The following RPS6KC1 variants were observed in gnomAD, a reference collection of about 807,000 sequenced individuals.
The protein encoded by RPS6KC1 is ribosomal protein S6 kinase C1.
RPS6KC1 carries 54 observed loss-of-function variants against 103.8 expected under a neutral mutation model. The ratio of observed to expected loss-of-function variants is 0.52; its 90% CI spans 0.42 to 0.65. RPS6KC1 has a LOEUF of 0.65. Ranked by LOEUF, RPS6KC1 falls within the 30% of genes least tolerant of loss-of-function variation. RPS6KC1 has a pLI of 0.00. For missense variants in RPS6KC1, 1,151 were observed against 1,253.8 expected, an observed-to-expected ratio of 0.92 and a Z score of 1.24; for synonymous variants, 439 against 438.7, an observed-to-expected ratio of 1.00 and a Z score of -0.01.
At chr1:213,521,967 T>A in the RPS6KC1 span, among the ~76,000 whole-genome samples, 1 of 152,238 alleles carries the variant, frequency 6.6e-6, no homozygotes, top group South Asian at 2.1e-4. Flanking sequence ...CCTCCTCCTG[T>A]GAATCACAAA....
chr1:213,264,951 G>A (rs1158899208), intron 14 of RPS6KC1, among the ~76,000 whole-genome samples: 21 of 152,130 alleles, frequency 1.4e-4, no homozygotes, highest in Admixed American at 1.3e-3. Flanking sequence ...CATTTTAAAT[G>A]CAATCTTAAA....
the RPS6KC1 span, among the ~76,000 whole-genome samples, chr1:213,755,359 G>A: frequency 3.8e-3 from 582 of 152,344 alleles, no homozygotes; most frequent in Non-Finnish European, 6.5e-3. Flanking sequence ...AGAGTCCAAT[G>A]GAGAAGGAAG....
chr1:213,090,218 T>G (rs2080836685), intron 3 of RPS6KC1, among the ~76,000 whole-genome samples: 1 of 152,226 alleles, frequency 6.6e-6, no homozygotes, highest in South Asian at 2.1e-4. Flanking sequence ...CTGAGGAGTT[T>G]TAAGAATCAT....
the RPS6KC1 span, among the ~76,000 whole-genome samples, chr1:213,585,444 A>G: frequency 1.3e-5 from 2 of 152,130 alleles, no homozygotes; most frequent in African/African-American, 4.8e-5. Context: ...CATATCCCAC[A>G]AGTCCTCAGC....
chr1:213,215,396 G>A (rs374630884), intron 8 of RPS6KC1, among the ~76,000 whole-genome samples: 2 of 152,224 alleles, frequency 1.3e-5, no homozygotes, highest in Non-Finnish European at 2.9e-5. Context: ...CCAAATGTAC[G>A]TCTGATTGGT....
At chr1:213,280,629 T>G in the RPS6KC1 span, among the ~76,000 whole-genome samples, 5 of 152,158 alleles carry the variant, frequency 3.3e-5, no homozygotes, top group African/African-American at 1.2e-4. Flanking sequence ...AAAAATGGAC[T>G]TCATAGTAGT....
At chr1:213,078,231 C>CTTTTTTTTTTTTTTTTTTTT in intron 3 of RPS6KC1, among the ~76,000 whole-genome samples, 1 of 128,354 alleles carries the variant, frequency 7.8e-6, no homozygotes, top group Non-Finnish European at 1.6e-5. Context: ...CCTTAGTATT[C>CTTTTTTTTTTTTTTTTTTTT]TTTTTTTTTT....
At chr1:213,197,538 ATG>A (rs2092998015) in intron 8 of RPS6KC1, among the ~76,000 whole-genome samples, 1 of 151,420 alleles carries the variant, frequency 6.6e-6, no homozygotes, top group Non-Finnish European at 1.5e-5. Flanking sequence ...GTATGTATGT[ATG>A]TATGTATGTA....
the RPS6KC1 span, among the ~76,000 whole-genome samples, chr1:213,285,434 G>C: frequency 6.6e-6 from 1 of 152,160 alleles, no homozygotes; most frequent in African/African-American, 2.4e-5. Context: ...AAACCTAGTA[G>C]AGAATGTATT....
the RPS6KC1 span, among the ~76,000 whole-genome samples, chr1:213,284,866 C>G: frequency 6.6e-6 from 1 of 152,154 alleles, no homozygotes; most frequent in African/African-American, 2.4e-5. Flanking sequence ...GAAAACATTT[C>G]TAGTTACACT....
At chr1:213,792,082 A>G in the RPS6KC1 span, among the ~76,000 whole-genome samples, 5 of 152,180 alleles carry the variant, frequency 3.3e-5, no homozygotes, top group African/African-American at 7.2e-5. Flanking sequence ...CAATTCCCCA[A>G]TACTGTGCCC....
At chr1:213,757,790 G>A in the RPS6KC1 span, among the ~76,000 whole-genome samples, 4 of 152,116 alleles carry the variant, frequency 2.6e-5, no homozygotes, top group African/African-American at 7.2e-5. Context: ...TTCAAAGGAC[G>A]GGCTGACTCT....
chr1:213,287,423 A>G, the RPS6KC1 span, among the ~76,000 whole-genome samples: 1 of 152,156 alleles, frequency 6.6e-6, no homozygotes, highest in African/African-American at 2.4e-5. Context: ...ATTTACTGCT[A>G]TTGGCCAGTA....
the RPS6KC1 span, among the ~76,000 whole-genome samples, chr1:213,807,032 C>T: frequency 1.3e-5 from 2 of 152,084 alleles, no homozygotes; most frequent in Non-Finnish European, 2.9e-5. Context: ...TTCTCCTTCA[C>T]TTATGAAGCT....
At chr1:213,461,106 AT>A in the RPS6KC1 span, among the ~76,000 whole-genome samples, 8 of 152,228 alleles carry the variant, frequency 5.3e-5, no homozygotes, top group Non-Finnish European at 1.2e-4. Context: ...TACAAAATCA[AT>A]GTGTAAAAAT....
chr1:213,395,076 C>T, the RPS6KC1 span, among the ~76,000 whole-genome samples: 1 of 152,202 alleles, frequency 6.6e-6, no homozygotes, highest in African/African-American at 2.4e-5. Flanking sequence ...CCTGCTCTTG[C>T]CCTGGCTGCC....
chr1:213,339,110 A>G, the RPS6KC1 span, among the ~76,000 whole-genome samples: 1 of 152,084 alleles, frequency 6.6e-6, no homozygotes, highest in Non-Finnish European at 1.5e-5. Flanking sequence ...CTAAAAATAC[A>G]AAAATTAGCC....
At chr1:213,069,071 T>A (rs920798002) in intron 1 of RPS6KC1, among the ~76,000 whole-genome samples, 9 of 151,912 alleles carry the variant, frequency 5.9e-5, no homozygotes, top group African/African-American at 1.9e-4. Context: ...AATACAAAAA[T>A]TTTTTTGAAT....
chr1:213,106,562 A>G (rs1029090692), intron 4 of RPS6KC1, among the ~76,000 whole-genome samples: 3 of 152,190 alleles, frequency 2.0e-5, no homozygotes, highest in Non-Finnish European at 4.4e-5. Flanking sequence ...CTGATCATGG[A>G]TGAAGGCTGT....
Sources: gnomAD v4.1 joint callset for allele counts (sites outside exome capture counted in the v4.1 genomes callset) on GRCh38, gnomAD v4.1.1 for gene constraint, MANE v1.5 for transcripts, NCBI Gene and HGNC (gene_info 2026-07-23, HGNC 2026-07-21) for gene names.